Variants in CNOT10 observed in about 807,000 individuals in gnomAD.
CNOT10 encodes the protein CCR4-NOT transcription complex subunit 10, also known as CCR4-NOT transcription complex, subunit 10.
In CNOT10, 30 loss-of-function variants were observed where a neutral mutation model predicts 94.6. That is an observed-to-expected ratio of 0.32 (90% CI 0.24 to 0.43). The LOEUF (loss-of-function observed/expected upper bound fraction) is 0.43, where lower values mean the gene tolerates loss of function less well. Ranked by LOEUF, CNOT10 falls within the 20% of genes least tolerant of loss-of-function variation. The pLI, the probability that CNOT10 is intolerant of heterozygous loss-of-function variation, is 1.00. For synonymous variants in CNOT10, 289 were observed against 301.6 expected, an observed-to-expected ratio of 0.96 and a Z score of 0.43; for missense variants, 759 against 877.2, an observed-to-expected ratio of 0.87 and a Z score of 1.70.
intron 8 of CNOT10, among the ~76,000 whole-genome samples, chr3:32,723,776 T>C (rs1056635712): frequency 6.6e-6 from 1 of 152,114 alleles, no homozygotes; most frequent in Non-Finnish European, 1.5e-5. Flanking sequence ...AAAAAACATC[T>C]GTAACCAAAT....
At chr3:32,761,328 T>C (rs1024820737) in intron 14 of CNOT10, among the ~76,000 whole-genome samples, 2 of 152,144 alleles carry the variant, frequency 1.3e-5, no homozygotes, top group Admixed American at 1.3e-4. Flanking sequence ...AAAATGCCAA[T>C]GTTGGGAATT....
intron 13 of CNOT10, among the ~76,000 whole-genome samples, chr3:32,740,706 C>CA: frequency 6.6e-6 from 1 of 150,680 alleles, no homozygotes; most frequent in African/African-American, 2.4e-5. Flanking sequence ...ATTAAAAATA[C>CA]AAAAAATTAG....
intron 13 of CNOT10, among the ~76,000 whole-genome samples, chr3:32,739,566 A>G (rs2077045088): frequency 6.6e-5 from 10 of 152,108 alleles, no homozygotes. Flanking sequence ...GTAGATTCAC[A>G]TAATAGTCTA....
chr3:32,736,426 A>G (rs950377167), intron 12 of CNOT10, among the ~76,000 whole-genome samples: 2 of 152,082 alleles, frequency 1.3e-5, no homozygotes, highest in Non-Finnish European at 2.9e-5. Context: ...TTAAACTTAC[A>G]TCTCCCATCC....
intron 13 of CNOT10, among the ~76,000 whole-genome samples, chr3:32,749,830 C>G (rs1404870846): frequency 2.0e-5 from 3 of 152,032 alleles, no homozygotes; most frequent in South Asian, 2.1e-4. Flanking sequence ...AAATTTCACA[C>G]ATCACCACTA....
chr3:32,762,994 T>A, intron 15 of CNOT10, 131 bp downstream of exon 15: 1 of 905,736 alleles, frequency 1.1e-6, no homozygotes, highest in Non-Finnish European at 1.6e-6. Context: ...CACATTTTTG[T>A]CTGTACTTAC....
rs1385916333 is a variant in CNOT10 at position 32,704,986 on chromosome 3, G to T, written c.279+14G>T. 2 of 1,453,218 alleles carry T rather than the reference G, an allele frequency of 1.4e-6. No homozygotes were observed. Among genetic ancestry groups the T allele is most frequent in the Admixed American group, 2.8e-5 (1 of 36,060 alleles). 90.0% of individuals were successfully genotyped at this position (1,453,218 alleles called of 1,614,324 possible). A position where few individuals can be genotyped will look rare whatever the true frequency, so the allele number is the denominator to read the frequency against. On this transcript the variant is annotated intron_variant, in intron 3 of 18. Coordinates refer to ENST00000328834, the MANE Select transcript of CNOT10 (RefSeq NM_015442.3). ...CTGAAGAATCAGGTGATACATAAATGAATTTAACTATAAAAAATATTGTTC... is the reference window on the plus strand; with the variant it reads ...CTGAAGAATCAGGTGATACATAAATTAATTTAACTATAAAAAATATTGTTC...
intron 1 of CNOT10, among the ~76,000 whole-genome samples, chr3:32,691,439 G>C (rs1180576808): frequency 6.6e-6 from 1 of 151,956 alleles, no homozygotes; most frequent in African/African-American, 2.4e-5. Context: ...GGGATTAACA[G>C]ACGTGAGCCA....
intron 8 of CNOT10, among the ~76,000 whole-genome samples, chr3:32,723,970 C>G (rs1252861325): frequency 6.6e-6 from 1 of 152,094 alleles, no homozygotes; most frequent in Non-Finnish European, 1.5e-5. Flanking sequence ...GTCCCAGCTA[C>G]TCAGGAGGCT....
intron 13 of CNOT10, among the ~76,000 whole-genome samples, chr3:32,751,961 T>A (rs770854786): frequency 1.3e-4 from 20 of 152,132 alleles, no homozygotes; most frequent in Non-Finnish European, 2.6e-4. Flanking sequence ...CTCATTTAGA[T>A]GAACTGGTGA....
intron 1 of CNOT10, chr3:32,687,640 A>C (rs1447126620): frequency 6.6e-6 from 1 of 151,334 alleles, no homozygotes; most frequent in Non-Finnish European, 1.5e-5. Flanking sequence ...TTTTTAGTAG[A>C]GACAGGGTTT....
intron 13 of CNOT10, among the ~76,000 whole-genome samples, chr3:32,751,550 A>T (rs1244775092): frequency 6.6e-6 from 1 of 152,232 alleles, no homozygotes; most frequent in African/African-American, 2.4e-5. Context: ...TTCAGACTCT[A>T]ATGTGACAGT....
rs1374438779 is a variant in CNOT10, at chr3:32,752,320, C to T, written c.1596-7138C>T. The stretch of plus-strand genomic sequence containing the variant: ...AAAAAAAAATTCTTCAGTGGTCTGC[C>T]ACTCTGTGGAAACCCCACAGGGCCA... On this transcript the variant is annotated intron_variant, in intron 13 of 18. Transcript: ENST00000328834. 2.0e-5 allele frequency among the ~76,000 whole-genome samples: 3 copies of T among 152,176 alleles called. No homozygotes were observed. The East Asian group carries it at 5.8e-4, about 29-fold the overall frequency.
rs111862910 is a variant in CNOT10, at chr3:32,700,041, T to A, written c.23-3827T>A. On this transcript the variant is annotated intron_variant, in intron 1 of 18. Coordinates refer to ENST00000328834, the MANE Select transcript of CNOT10 (RefSeq NM_015442.3). ...CCCAGGCTGGAGTGCAGTGGCATGATCTCGGCTCACTGCAACCTCTGCCTC... is the reference window on the plus strand; with the variant it reads ...CCCAGGCTGGAGTGCAGTGGCATGAACTCGGCTCACTGCAACCTCTGCCTC... 2.5e-3 allele frequency among the ~76,000 whole-genome samples: 371 copies of A among 150,664 alleles called. 3 individuals are homozygous for A. Among genetic ancestry groups the A allele is most frequent in the African/African-American group, 8.5e-3 (349 of 40,906 alleles).
chr3:32,694,128 C>T (rs1312485529), intron 1 of CNOT10, among the ~76,000 whole-genome samples: 1 of 112,444 alleles, frequency 8.9e-6, no homozygotes, highest in African/African-American at 3.5e-5. Flanking sequence ...CAATAGTTCT[C>T]ACTTGATAAA....
In CNOT10 at chr3:32,725,482, C is replaced by T; in HGVS notation, c.895C>T (p.Leu299Phe). 2 of 1,613,812 alleles carry T rather than the reference C, an allele frequency of 1.2e-6. No individual in the cohort carries two copies. The highest frequency in any genetic ancestry group is 1.7e-5 in the Admixed American group (1 of 59,952). The change falls in exon 9 of 19, where the codon CTT becomes TTT. Residue 299 changes from leucine (L) to phenylalanine (F), a missense_variant. By Grantham distance (22) the Leu-to-Phe change is conservative. This residue lies in a region of CNOT10 where 682 missense variants were observed against 799.4 expected (regional missense o/e 0.85). Transcript: ENST00000328834. Reference sequence around the variant, plus strand: ...CTTGAGATGCATGTTCTGGAATAACCTTGGTTGCATCCATTTTGCCATGAG... The same window carrying T: ...CTTGAGATGCATGTTCTGGAATAACTTTGGTTGCATCCATTTTGCCATGAG... ...ECLRCMFWNNLGCIHFAMSKH... is the reference protein window; with the variant it reads ...ECLRCMFWNNFGCIHFAMSKH...
rs140933534 is a variant in CNOT10, at chr3:32,767,427, G to T, written c.2005-2460G>T. 2.8e-3 allele frequency among the ~76,000 whole-genome samples: 409 copies of T among 148,532 alleles called. 12 individuals carry two copies. In the East Asian group the frequency reaches 0.059, roughly 21 times the overall value. ...CCAGATACTCGGGAGGCTGAGGCAG[G>T]ATAATTGCTTGAACGCAGGAGGTGG... On this transcript the variant is annotated intron_variant, in intron 17 of 18. Transcript: ENST00000328834.
chr3:32,726,460 C>T (rs1002666250), intron 9 of CNOT10, among the ~76,000 whole-genome samples: 2 of 152,004 alleles, frequency 1.3e-5, no homozygotes, highest in South Asian at 2.1e-4. Flanking sequence ...TTAGGGAGGC[C>T]GAGGTGGGCA....
chr3:32,697,070 C>T (rs996063554), intron 1 of CNOT10, among the ~76,000 whole-genome samples: 4 of 152,042 alleles, frequency 2.6e-5, no homozygotes, highest in East Asian at 3.9e-4. Context: ...CCTGCCACAG[C>T]CTCCCAAGTA....
Sources: allele counts gnomAD v4.1 joint callset (sites outside exome capture counted in the v4.1 genomes callset), GRCh38; gene constraint gnomAD v4.1.1; regional missense constraint gnomAD v4.1.1; transcripts MANE v1.5; gene names NCBI Gene and HGNC (gene_info 2026-07-23, HGNC 2026-07-21).